Variants in CUL1 observed in about 807,000 individuals in gnomAD.
The protein encoded by CUL1 is cullin 1.
In CUL1, 24 loss-of-function variants were observed where a neutral mutation model predicts 118.0. The ratio of observed to expected loss-of-function variants is 0.20; its 90% CI spans 0.15 to 0.29. The LOEUF is 0.29. CUL1 is among the 10% of genes least tolerant of loss of function. CUL1 has a pLI of 1.00. For synonymous variants in CUL1, 332 were observed against 340.4 expected (o/e 0.98, Z 0.27); for missense variants, 361 against 933.8 (o/e 0.39, Z 7.99).
chr7:148,779,681 G>A (rs1047408295), intron 9 of CUL1, among the ~76,000 whole-genome samples: 1 of 152,198 alleles, frequency 6.6e-6, no homozygotes, highest in Non-Finnish European at 1.5e-5. Flanking sequence ...GGATATATGT[G>A]CTTGCTGCCA....
At chr7:148,736,419 C>G (rs1243381864) in intron 2 of CUL1, among the ~76,000 whole-genome samples, 1 of 152,120 alleles carries the variant, frequency 6.6e-6, no homozygotes, top group African/African-American at 2.4e-5. Flanking sequence ...CCCCCCACCC[C>G]ACCTCAACCT....
chr7:148,725,219 G>GCGCGCGCGCACACACACACACA, intron 1 of CUL1, among the ~76,000 whole-genome samples: 33 of 140,150 alleles, frequency 2.4e-4, no homozygotes, highest in Middle Eastern at 3.7e-3. Context: ...ACACGCGCGC[G>GCGCGCGCGCACACACACACACA]CTCACACACA....
chr7:148,781,459 G>C (rs1488325286), intron 9 of CUL1, among the ~76,000 whole-genome samples: 1 of 152,184 alleles, frequency 6.6e-6, no homozygotes, highest in Non-Finnish European at 1.5e-5. Flanking sequence ...TGCTGTAGTT[G>C]AAAGAATTTT....
At chr7:148,771,575 G>A (rs907594810) in intron 9 of CUL1, among the ~76,000 whole-genome samples, 4 of 152,136 alleles carry the variant, frequency 2.6e-5, no homozygotes, top group Non-Finnish European at 5.9e-5. Context: ...GTTTGGAAGC[G>A]TTCTCTCCAG....
At chr7:148,771,528 G>A (rs547636649) in intron 9 of CUL1, among the ~76,000 whole-genome samples, 4 of 152,262 alleles carry the variant, frequency 2.6e-5, no homozygotes, top group South Asian at 2.1e-4. Context: ...TCCGAACCTC[G>A]GAGTGGGGAG....
chr7:148,783,131 C>G (rs991400391), intron 9 of CUL1, among the ~76,000 whole-genome samples: 5 of 152,138 alleles, frequency 3.3e-5, no homozygotes, highest in African/African-American at 1.2e-4. Context: ...CCTTTGCCTT[C>G]CATTGTCGCC....
intron 2 of CUL1, among the ~76,000 whole-genome samples, chr7:148,731,836 C>T (rs920003889): frequency 6.6e-6 from 1 of 152,198 alleles, no homozygotes; most frequent in Non-Finnish European, 1.5e-5. Context: ...AGGCTTCATC[C>T]TTGTAGCGCG....
intron 2 of CUL1, among the ~76,000 whole-genome samples, chr7:148,732,119 A>G (rs1015792781): frequency 2.0e-5 from 3 of 152,142 alleles, no homozygotes. Context: ...TATGCCCCCA[A>G]CAGGGTTCTG....
intron 1 of CUL1, among the ~76,000 whole-genome samples, chr7:148,716,231 C>T (rs940156040): frequency 1.3e-5 from 2 of 152,030 alleles, no homozygotes; most frequent in Non-Finnish European, 2.9e-5. Context: ...ATTCCACATG[C>T]TAACACATGC....
rs771030020 is a variant in CUL1 at position 148,721,007 on chromosome 7, CTCTTT to C, written c.-161-8947_-161-8943del. On this transcript the variant is annotated intron_variant, in intron 1 of 21. Transcript: ENST00000325222. ...TAAAACTCAGGTTGGCTGTATTAGC[CTCTTT>C]TCTTTTCAGGCATTCCATTCATTTA... Among the ~76,000 whole-genome samples, 22 of 152,184 alleles carry C rather than the reference CTCTTT, an allele frequency of 1.4e-4. No homozygotes were observed. The East Asian group carries it at 2.3e-3, about 16-fold the overall frequency.
At chr7:148,796,436 G>A (rs984784567) in intron 17 of CUL1, among the ~76,000 whole-genome samples, 2 of 152,270 alleles carry the variant, frequency 1.3e-5, no homozygotes, top group East Asian at 1.9e-4. Flanking sequence ...CAAGATGTTC[G>A]TTTGGTTTTC....
intron 2 of CUL1, among the ~76,000 whole-genome samples, chr7:148,737,726 G>A (rs1426329508): frequency 6.6e-6 from 1 of 151,626 alleles, no homozygotes; most frequent in Admixed American, 6.6e-5. Flanking sequence ...TCAGCCTCCC[G>A]AGTGGCTGGG....
chr7:148,756,603 C>T (rs527333364), intron 3 of CUL1, among the ~76,000 whole-genome samples: 8 of 152,226 alleles, frequency 5.3e-5, no homozygotes, highest in African/African-American at 1.7e-4. Context: ...TCCCAAAGTG[C>T]TGAGATTAGA....
At chr7:148,773,441 C>A (rs1306181660) in intron 9 of CUL1, among the ~76,000 whole-genome samples, 1 of 152,138 alleles carries the variant, frequency 6.6e-6, no homozygotes, top group Non-Finnish European at 1.5e-5. Flanking sequence ...GTAAAACTCT[C>A]ATTACAAGTG....
At position 148,717,043 on chromosome 7, in the gene CUL1, TTTTTG is replaced by T. The variant is rs371522501; in HGVS notation, c.-161-12888_-161-12884del. Among the ~76,000 whole-genome samples the T allele has an allele frequency of 2.6e-3, 396 of 150,734 alleles. 2 individuals are homozygous for T. Among genetic ancestry groups the T allele is most frequent in the African/African-American group, 5.3e-3 (218 of 41,172 alleles). On this transcript the variant is annotated intron_variant, in intron 1 of 21. Coordinates refer to ENST00000325222, the MANE Select transcript of CUL1 (RefSeq NM_003592.3). ...ATGTTGTTTTGAATTTTGTTTTTCA[TTTTTG>T]TTTTGTTTTGTTTTGTTTTGTTTTG...
At chr7:148,778,096 A>AAAAAAAAAAAAAAAAAC (rs1563166639) in intron 9 of CUL1, among the ~76,000 whole-genome samples, 1 of 59,306 alleles carries the variant, frequency 1.7e-5, no homozygotes, top group Non-Finnish European at 3.1e-5. Context: ...AAAAAAAAAA[A>AAAAAAAAAAAAAAAAAC]AGAAGAAGAA....
rs1311307992 is a variant in CUL1, at chr7:148,753,421, ATC to A, written c.141-547_141-546del. 9.2e-5 allele frequency among the ~76,000 whole-genome samples: 14 copies of A among 152,256 alleles called. No individual in the cohort carries two copies. In the East Asian group the frequency reaches 2.3e-3, roughly 25 times the overall value. ...CAGCTGTCTGTGCTGTGGTTTATACATCTCTCTCTTTCTCAGGAGTGTGTGGA... is the reference window on the plus strand; with the variant it reads ...CAGCTGTCTGTGCTGTGGTTTATACATCTCTCTTTCTCAGGAGTGTGTGGA... On this transcript the variant is annotated intron_variant, in intron 2 of 21. Coordinates refer to ENST00000325222, the MANE Select transcript of CUL1 (RefSeq NM_003592.3).
intron 3 of CUL1, 58 bp from the exon 4 acceptor site, chr7:148,756,925 T>C (rs937736112): frequency 8.0e-7 from 1 of 1,257,542 alleles, no homozygotes; most frequent in African/African-American, 1.5e-5. Flanking sequence ...TCACCGTTAT[T>C]TTTAATTTAT....
At chr7:148,791,411 T>C (rs1801004877) in intron 16 of CUL1, among the ~76,000 whole-genome samples, 1 of 152,244 alleles carries the variant, frequency 6.6e-6, no homozygotes, top group African/African-American at 2.4e-5. Flanking sequence ...TGCATAGTAT[T>C]ATGCTGGCTC....
Sources: allele counts gnomAD v4.1 joint callset (sites outside exome capture counted in the v4.1 genomes callset), GRCh38; gene constraint gnomAD v4.1.1; transcripts MANE v1.5; gene names NCBI Gene and HGNC (gene_info 2026-07-23, HGNC 2026-07-21).